The following WWOX variants were observed in gnomAD, a reference collection of about 807,000 sequenced individuals.
WWOX encodes WW domain containing oxidoreductase.
WWOX carries 69 observed loss-of-function variants against 46.2 expected under a neutral mutation model. The ratio of observed to expected loss-of-function variants is 1.49; its 90% CI spans 1.23 to 1.82. The LOEUF (loss-of-function observed/expected upper bound fraction) is 1.82. Among genes scored for constraint, WWOX ranks in the 40% most tolerant of loss-of-function variants. WWOX has a pLI of 0.00. For synonymous variants in WWOX, 359 were observed against 202.6 expected, an observed-to-expected ratio of 1.77 and a Z score of -6.56; for missense variants, 919 against 542.6, an observed-to-expected ratio of 1.69 and a Z score of -6.89.
At chr16:78,174,345 T>A (rs2035262391) in intron 5 of WWOX, among the ~76,000 whole-genome samples, 1 of 152,096 alleles carries the variant, frequency 6.6e-6, no homozygotes, top group African/African-American at 2.4e-5. Context: ...TTCACTATCA[T>A]GAGAATAGCA....
intron 8 of WWOX, among the ~76,000 whole-genome samples, chr16:78,900,088 G>A (rs1461928443): frequency 3.5e-5 from 5 of 141,224 alleles, no homozygotes; most frequent in Non-Finnish European, 7.6e-5. Flanking sequence ...TTCCTGCAGA[G>A]AGCGTTGCTG....
intron 8 of WWOX, among the ~76,000 whole-genome samples, chr16:78,980,578 C>T (rs2046660979): frequency 6.6e-6 from 1 of 151,974 alleles, no homozygotes. Flanking sequence ...TTTCTTTTAC[C>T]ATCTCTCAGG....
At chr16:79,156,513 C>T (rs1003973604) in intron 8 of WWOX, among the ~76,000 whole-genome samples, 4 of 152,044 alleles carry the variant, frequency 2.6e-5, no homozygotes, top group African/African-American at 4.8e-5. Flanking sequence ...TTCAAATTTG[C>T]CACACCAAGT....
intron 8 of WWOX, among the ~76,000 whole-genome samples, chr16:78,673,158 C>G (rs1232352123): frequency 3.3e-5 from 5 of 152,194 alleles, no homozygotes; most frequent in Non-Finnish European, 5.9e-5. Context: ...TCCTCATTCT[C>G]ATTCACGGGA....
At chr16:78,397,599 G>A (rs1470277613) in intron 6 of WWOX, among the ~76,000 whole-genome samples, 1 of 152,206 alleles carries the variant, frequency 6.6e-6, no homozygotes, top group Non-Finnish European at 1.5e-5. Context: ...TCTCATTTGG[G>A]AAATATACCA....
chr16:78,950,443 T>C (rs947470285), intron 8 of WWOX, among the ~76,000 whole-genome samples: 1 of 151,784 alleles, frequency 6.6e-6, no homozygotes, highest in Non-Finnish European at 1.5e-5. Context: ...AAAAAGATGT[T>C]GGGTTGGAAA....
chr16:78,182,047 G>T (rs758408640), intron 5 of WWOX, among the ~76,000 whole-genome samples: 4 of 152,314 alleles, frequency 2.6e-5, no homozygotes, highest in South Asian at 2.1e-4. Flanking sequence ...TGTAAAATGT[G>T]TTATGGGGGC....
At chr16:78,904,271 A>C (rs1597130552) in intron 8 of WWOX, among the ~76,000 whole-genome samples, 1 of 118,482 alleles carries the variant, frequency 8.4e-6, no homozygotes, top group Non-Finnish European at 1.6e-5. Context: ...TCGGAGTCTC[A>C]CTCTGTCGCC....
chr16:79,201,719 C>G (rs1001971428), intron 8 of WWOX, among the ~76,000 whole-genome samples: 9 of 116,338 alleles, frequency 7.7e-5, no homozygotes, highest in Non-Finnish European at 1.7e-4. Flanking sequence ...TGCTCAGTTA[C>G]TTTTTTCCTG....
chr16:78,923,278 G>A (rs1223424288), intron 8 of WWOX, among the ~76,000 whole-genome samples: 2 of 152,040 alleles, frequency 1.3e-5, no homozygotes, highest in Non-Finnish European at 2.9e-5. Flanking sequence ...ACTGTGCCCG[G>A]CCATCTTTCT....
At chr16:78,571,938 A>G (rs982877282) in intron 8 of WWOX, among the ~76,000 whole-genome samples, 1 of 152,222 alleles carries the variant, frequency 6.6e-6, no homozygotes, top group Admixed American at 6.5e-5. Flanking sequence ...AACGTTAAGT[A>G]CTAAGGTCAT....
intron 8 of WWOX, among the ~76,000 whole-genome samples, chr16:79,080,048 A>G (rs1343004129): frequency 1.3e-5 from 2 of 152,216 alleles, no homozygotes. Context: ...ATATAGCAGG[A>G]TATACAAAAC....
At chr16:78,848,786 T>C (rs1567602036) in intron 8 of WWOX, among the ~76,000 whole-genome samples, 1 of 120,416 alleles carries the variant, frequency 8.3e-6, no homozygotes, top group Non-Finnish European at 1.7e-5. Flanking sequence ...AGACGGGAGT[T>C]ACACAGAGAC....
At position 79,188,068 on chromosome 16, in the gene WWOX, T is replaced by G. The variant is rs150055877; in HGVS notation, c.1057-23540T>G. 2.6e-3 allele frequency among the ~76,000 whole-genome samples: 392 copies of G among 152,344 alleles called. 4 individuals carry two copies. The highest frequency in any genetic ancestry group is 8.7e-3 in the African/African-American group (362 of 41,580). On this transcript the variant is annotated intron_variant, in intron 8 of 8. Coordinates refer to ENST00000566780, the MANE Select transcript of WWOX (RefSeq NM_016373.4). ...TGGGTAGTTATGCTCTTTTCTTCCC[T>G]GAGGTTGCTAATTGTGGGCAGTACA... is the stretch of plus-strand genomic sequence containing the variant.
chr16:79,175,810 T>G (rs1298384347), intron 8 of WWOX, among the ~76,000 whole-genome samples: 1 of 152,116 alleles, frequency 6.6e-6, no homozygotes, highest in East Asian at 1.9e-4. Flanking sequence ...AATGTGCCCT[T>G]TTTGTCTCAC....
chr16:78,907,297 C>A (rs141452449), intron 8 of WWOX, among the ~76,000 whole-genome samples: 2 of 152,078 alleles, frequency 1.3e-5, no homozygotes, highest in Non-Finnish European at 1.5e-5. Context: ...ATGCAAAAGC[C>A]GGAAAAGACA....
chr16:78,936,313 A>T (rs187226373), intron 8 of WWOX, among the ~76,000 whole-genome samples: 3 of 152,282 alleles, frequency 2.0e-5, no homozygotes, highest in Admixed American at 6.5e-5. Context: ...CAAGTGGTCC[A>T]TCCCAAGCGA....
intron 8 of WWOX, among the ~76,000 whole-genome samples, chr16:78,565,637 G>A (rs534750613): frequency 6.6e-6 from 1 of 152,286 alleles, no homozygotes; most frequent in East Asian, 1.9e-4. Context: ...CATGGCTGAT[G>A]ACAGAGTCAC....
intron 6 of WWOX, among the ~76,000 whole-genome samples, chr16:78,400,917 G>T (rs531219801): frequency 6.6e-6 from 1 of 152,330 alleles, no homozygotes; most frequent in South Asian, 2.1e-4. Context: ...TCAGCCACCA[G>T]GGTTCAAGTG....
Sources: gnomAD v4.1 joint callset for allele counts (sites outside exome capture counted in the v4.1 genomes callset) on GRCh38, gnomAD v4.1.1 for gene constraint, MANE v1.5 for transcripts, NCBI Gene and HGNC (gene_info 2026-07-23, HGNC 2026-07-21) for gene names.